Variants in FGF13 observed in about 807,000 individuals in gnomAD.
FGF13 encodes the protein fibroblast growth factor 13.
In FGF13, 2 loss-of-function variants were observed where a neutral mutation model predicts 19.5. The ratio of observed to expected loss-of-function variants is 0.10; its 90% CI spans 0.04 to 0.32. FGF13 has a LOEUF of 0.32. Among genes scored for constraint, FGF13 ranks in the 10% least tolerant of loss-of-function variants. The pLI is 1.00. For synonymous variants in FGF13, 72 were observed against 76.9 expected (o/e 0.94, Z 0.33); for missense variants, 113 against 192.7 (o/e 0.59, Z 2.45).
intron 1 of FGF13, among the ~76,000 whole-genome samples, chrX:138,912,364 A>T (rs1307857770): frequency 8.9e-6 from 1 of 111,831 alleles, no homozygotes; most frequent in African/African-American, 3.3e-5. Flanking sequence ...GAAAGACTCA[A>T]CCATTGAGAT....
chrX:138,894,192 G>A (rs2091491438), intron 1 of FGF13, among the ~76,000 whole-genome samples: 3 of 109,811 alleles, frequency 2.7e-5, no homozygotes, highest in Admixed American at 1.9e-4. Flanking sequence ...CGGGGGATTC[G>A]GAGGAAAGAC....
chrX:139,157,371 C>T (rs1436902941), intron 1 of FGF13, among the ~76,000 whole-genome samples: 1 of 111,873 alleles, frequency 8.9e-6, no homozygotes, highest in Non-Finnish European at 1.9e-5. Context: ...GAGACCTCTG[C>T]TATGGTTTAA....
intron 3 of FGF13, among the ~76,000 whole-genome samples, chrX:138,839,264 C>T (rs2091133320): frequency 9.0e-6 from 1 of 111,034 alleles, no homozygotes; most frequent in Non-Finnish European, 1.9e-5. Context: ...GACTTCCCAT[C>T]TCCCAGAATG....
intron 1 of FGF13, among the ~76,000 whole-genome samples, chrX:138,985,643 T>C (rs1235060438): frequency 9.0e-6 from 1 of 111,687 alleles, no homozygotes; most frequent in East Asian, 2.8e-4. Flanking sequence ...CCCAAGACAA[T>C]GGTTACCTAA....
At chrX:138,799,572 A>G (rs1477102248) in intron 3 of FGF13, among the ~76,000 whole-genome samples, 1 of 111,353 alleles carries the variant, frequency 9.0e-6, no homozygotes, top group African/African-American at 3.3e-5. Flanking sequence ...GATGTCTATT[A>G]GGTCAGCTTG....
At position 138,974,885 on chromosome X, in the gene FGF13, T is replaced by C. The variant is rs746848043; in HGVS notation, c.-112-110235A>G. 1.8e-3 allele frequency among the ~76,000 whole-genome samples: 198 copies of C among 112,528 alleles called. 1 individual carries two copies. The highest frequency in any genetic ancestry group is 6.1e-3 in the African/African-American group (189 of 31,017). On this transcript the variant is annotated intron_variant, in intron 1 of 2. Coordinates refer to the FGF13 transcript ENST00000421460. The stretch of plus-strand genomic sequence containing the variant: ...TACCTGTTTTCATGAAACTCATATC[T>C]AGTGCAATCAAGTGCTGTAATTACA...
intron 1 of FGF13, among the ~76,000 whole-genome samples, chrX:139,030,879 C>T (rs1196695697): frequency 4.5e-5 from 5 of 112,001 alleles, no homozygotes; most frequent in Admixed American, 3.8e-4. Flanking sequence ...AATGCTAGCC[C>T]AGGTTAAAAG....
intron 1 of FGF13, among the ~76,000 whole-genome samples, chrX:139,021,091 A>G (rs1363941926): frequency 9.0e-6 from 1 of 111,230 alleles, no homozygotes; most frequent in East Asian, 2.8e-4. Context: ...AATTGCCAGA[A>G]GCATCTAAGA....
chrX:139,084,626 A>G (rs1444707505), intron 1 of FGF13, among the ~76,000 whole-genome samples: 1 of 108,112 alleles, frequency 9.2e-6, no homozygotes, highest in Non-Finnish European at 1.9e-5. Flanking sequence ...TGCCAAAATT[A>G]CTTCAGTCCA....
chrX:139,075,199 G>A (rs187136977), intron 1 of FGF13, among the ~76,000 whole-genome samples: 5 of 111,467 alleles, frequency 4.5e-5, no homozygotes, highest in African/African-American at 9.8e-5. Context: ...ATTCATCCCC[G>A]CCCTATTCTC....
intron 3 of FGF13, among the ~76,000 whole-genome samples, chrX:138,655,695 T>C (rs1011565003): frequency 2.7e-5 from 3 of 111,645 alleles, no homozygotes; most frequent in Admixed American, 9.5e-5. Context: ...TCAGTAATGA[T>C]ACTGAATAAT....
intron 1 of FGF13, among the ~76,000 whole-genome samples, chrX:138,880,965 G>C (rs1377920628): frequency 9.0e-6 from 1 of 111,629 alleles, no homozygotes; most frequent in African/African-American, 3.3e-5. Context: ...TGTAAAAAAT[G>C]CTATTGGAAT....
intron 1 of FGF13, among the ~76,000 whole-genome samples, chrX:139,039,353 G>T (rs747637738): frequency 6.3e-5 from 7 of 111,798 alleles, no homozygotes; most frequent in African/African-American, 2.3e-4. Context: ...TTTGCATCAA[G>T]ATTTTCTGAA....
At chrX:139,122,011 A>G (rs1035702118) in intron 1 of FGF13, among the ~76,000 whole-genome samples, 1 of 111,551 alleles carries the variant, frequency 9.0e-6, no homozygotes, top group Non-Finnish European at 1.9e-5. Flanking sequence ...CTAGCCCTGC[A>G]GTGATTAGGC....
chrX:138,838,834 C>T (rs1487376105), intron 3 of FGF13, among the ~76,000 whole-genome samples: 1 of 111,440 alleles, frequency 9.0e-6, no homozygotes, highest in Non-Finnish European at 1.9e-5. Flanking sequence ...CCATATATGA[C>T]TTAGATGAGA....
intron 3 of FGF13, among the ~76,000 whole-genome samples, chrX:138,821,289 A>G (rs1039680973): frequency 8.9e-6 from 1 of 111,909 alleles, no homozygotes; most frequent in African/African-American, 3.2e-5. Flanking sequence ...GAACACCTAA[A>G]ATGTAGCTAA....
chrX:138,882,226 G>A (rs2124182419), intron 1 of FGF13, among the ~76,000 whole-genome samples: 1 of 110,615 alleles, frequency 9.0e-6, no homozygotes, highest in South Asian at 3.8e-4. Context: ...TCATTCTATT[G>A]TGGTTGGAGA....
chrX:138,752,126 A>T, intron 3 of FGF13, among the ~76,000 whole-genome samples: 1 of 112,020 alleles, frequency 8.9e-6, no homozygotes, highest in Non-Finnish European at 1.9e-5. Context: ...AGGAATGGGC[A>T]AGACAATTAT....
At chrX:138,886,196 G>T (rs1402597955) in intron 1 of FGF13, among the ~76,000 whole-genome samples, 1 of 111,826 alleles carries the variant, frequency 8.9e-6, no homozygotes, top group Non-Finnish European at 1.9e-5. Flanking sequence ...CAAATGGAAT[G>T]AAGGTGCGTT....
Sources: allele counts gnomAD v4.1 joint callset (sites outside exome capture counted in the v4.1 genomes callset), GRCh38; gene constraint gnomAD v4.1.1; transcripts MANE v1.5; gene names NCBI Gene and HGNC (gene_info 2026-07-23, HGNC 2026-07-21).